Variants in MACROD2 observed in about 807,000 individuals in gnomAD.
MACROD2 encodes the protein mono-ADP ribosylhydrolase 2.
A neutral mutation model predicts 70.4 loss-of-function variants in MACROD2; 36 were observed. The observed-to-expected ratio is 0.51, with a 90% CI of 0.39 to 0.68. The LOEUF is 0.68. Among genes scored for constraint, MACROD2 ranks in the 30% least tolerant of loss-of-function variants. MACROD2 has a pLI of 0.00. For missense variants in MACROD2, 496 were observed against 538.4 expected, an observed-to-expected ratio of 0.92 and a Z score of 0.78; for synonymous variants, 172 against 178.8, an observed-to-expected ratio of 0.96 and a Z score of 0.30.
intron 10 of MACROD2, among the ~76,000 whole-genome samples, chr20:15,891,618 A>G (rs1408997940): frequency 6.6e-6 from 1 of 152,128 alleles, no homozygotes; most frequent in Non-Finnish European, 1.5e-5. Context: ...TTTAGAATGG[A>G]GCTGATAGGG....
chr20:15,563,134 G>A (rs577712738), intron 8 of MACROD2, among the ~76,000 whole-genome samples: 1 of 152,284 alleles, frequency 6.6e-6, no homozygotes, highest in South Asian at 2.1e-4. Flanking sequence ...CAGTGTTGAT[G>A]CCCTTAGGAA....
Position 16,035,136 on chromosome 20 carries a change from T to TA in MACROD2, c.1154-6065_1154-6064insA, listed in dbSNP as rs1186791062. On this transcript the variant is annotated intron_variant, in intron 15 of 17. Transcript: ENST00000684519. Reference sequence around the variant, plus strand: ...AAAATATAATATAAAATATTATATATTATATATTATATATAAAATATAATA... The same window carrying TA: ...AAAATATAATATAAAATATTATATATATATATATTATATATAAAATATAATA... Among the ~76,000 whole-genome samples, 82 of 77,054 alleles carry TA rather than the reference T, an allele frequency of 1.1e-3. 5 individuals are homozygous for TA. In the East Asian group the frequency reaches 0.017, roughly 16 times the overall value. 50.6% of individuals were successfully genotyped at this position (77,054 alleles called of 152,430 possible). A position where few individuals can be genotyped will look rare whatever the true frequency, so the allele number is the denominator to read the frequency against.
At chr20:14,271,743 T>C (rs1323708949) in intron 3 of MACROD2, among the ~76,000 whole-genome samples, 1 of 152,050 alleles carries the variant, frequency 6.6e-6, no homozygotes, top group East Asian at 1.9e-4. Context: ...TTAAAAACTT[T>C]GAAAAAAATT....
At position 14,446,356 on chromosome 20, in the gene MACROD2, C is replaced by A. The variant is rs138055134; in HGVS notation, c.272-47123C>A. 2.4e-4 allele frequency among the ~76,000 whole-genome samples: 36 copies of A among 152,192 alleles called. No homozygotes were observed. The East Asian group carries it at 5.6e-3, about 24-fold the overall frequency. ...GAAATTGAGGCATTAGTGTGTCTAA[C>A]GTCACTAACTTGTAAGAGTTGAAAC... On this transcript the variant is annotated intron_variant, in intron 3 of 17. Coordinates refer to ENST00000684519, the MANE Select transcript of MACROD2 (RefSeq NM_001351661.2).
chr20:15,985,644 A>C (rs1390180883), intron 13 of MACROD2: 10 of 152,496 alleles, frequency 6.6e-5, no homozygotes, highest in African/African-American at 2.4e-4. Context: ...TGCTCTTTGG[A>C]TCCTGTCACT....
Position 15,364,070 on chromosome 20 carries a change from A to G in MACROD2, c.541-67335A>G, listed in dbSNP as rs2078383970. Among the ~76,000 whole-genome samples the G allele has an allele frequency of 1.3e-5, 2 of 152,242 alleles. 1 individual carries two copies. Among genetic ancestry groups the G allele is most frequent in the South Asian group, 4.1e-4 (2 of 4,834 alleles). The stretch of plus-strand genomic sequence containing the variant: ...TAGATGTATTTGGATTTAAATTTCC[A>G]GATGTGAGCCTGACTTTATGTGAAT... On this transcript the variant is annotated intron_variant, in intron 6 of 17. Coordinates refer to ENST00000684519, the MANE Select transcript of MACROD2 (RefSeq NM_001351661.2).
chr20:14,309,774 A>G (rs756002584), intron 3 of MACROD2, among the ~76,000 whole-genome samples: 1 of 152,202 alleles, frequency 6.6e-6, no homozygotes, highest in Non-Finnish European at 1.5e-5. Context: ...AAAAATGGAC[A>G]GATACATAAC....
intron 8 of MACROD2, among the ~76,000 whole-genome samples, chr20:15,582,499 T>G (rs1353439040): frequency 6.6e-6 from 1 of 152,308 alleles, no homozygotes; most frequent in African/African-American, 2.4e-5. Context: ...AGTGCTTGTT[T>G]CTAAAAATGC....
intron 8 of MACROD2, among the ~76,000 whole-genome samples, chr20:15,586,017 C>T (rs188576683): frequency 4.6e-5 from 7 of 152,240 alleles, no homozygotes; most frequent in South Asian, 2.1e-4. Flanking sequence ...TTGTAACAGA[C>T]GAAAGCTCTT....
chr20:14,905,373 C>T (rs957307612), intron 5 of MACROD2: 1 of 152,072 alleles, frequency 6.6e-6, no homozygotes, highest in East Asian at 1.9e-4. Context: ...AAAGGGATTA[C>T]TATGAAGTCA....
chr20:15,994,442 A>G (rs1418370241), intron 15 of MACROD2, among the ~76,000 whole-genome samples: 4 of 152,240 alleles, frequency 2.6e-5, no homozygotes, highest in African/African-American at 9.6e-5. Context: ...GTTTTCATAT[A>G]TCACTCTTGA....
At chr20:14,940,130 T>C (rs996699578) in intron 5 of MACROD2, among the ~76,000 whole-genome samples, 2 of 106,598 alleles carry the variant, frequency 1.9e-5, no homozygotes, top group Non-Finnish European at 3.6e-5. Context: ...GGGCAACATA[T>C]GGAAACCCTC....
chr20:15,497,553 G>A (rs1036120059), intron 7 of MACROD2, among the ~76,000 whole-genome samples: 2 of 152,094 alleles, frequency 1.3e-5, no homozygotes, highest in Non-Finnish European at 2.9e-5. Context: ...GCCCTTCAAA[G>A]TGCTGGAGTT....
chr20:14,448,391 G>A (rs553753906), intron 3 of MACROD2, among the ~76,000 whole-genome samples: 1 of 151,942 alleles, frequency 6.6e-6, no homozygotes, highest in South Asian at 2.1e-4. Context: ...TTTTTAAACA[G>A]TGGGGCCAGG....
intron 5 of MACROD2, among the ~76,000 whole-genome samples, chr20:15,080,506 C>T (rs1209073417): frequency 3.3e-5 from 5 of 152,128 alleles, no homozygotes. Context: ...CTTCCTCCTA[C>T]TCTCTTTTTC....
chr20:15,812,792 G>A (rs1198555897), intron 8 of MACROD2, among the ~76,000 whole-genome samples: 4 of 152,132 alleles, frequency 2.6e-5, no homozygotes, highest in South Asian at 4.1e-4. Flanking sequence ...AACGTTAGAA[G>A]GACAAATGGT....
At chr20:14,746,721 C>T (rs965322752) in intron 5 of MACROD2, among the ~76,000 whole-genome samples, 3 of 152,096 alleles carry the variant, frequency 2.0e-5, no homozygotes, top group Non-Finnish European at 4.4e-5. Flanking sequence ...ACCATTAACG[C>T]ATTAATGTGC....
rs200993503 is a variant in MACROD2, at chr20:15,499,764, C to T, written c.572-10C>T. The T allele has an allele frequency of 4.3e-6, 7 of 1,613,472 alleles. No individual in the cohort carries two copies. The highest frequency in any genetic ancestry group is 1.1e-5 in the South Asian group (1 of 91,032). On this transcript the variant is annotated splice_polypyrimidine_tract_variant and intron_variant, in intron 7 of 17. Transcript: ENST00000684519. The stretch of plus-strand genomic sequence containing the variant: ...CGTTGTTCATTTGTTTTTTCCTGCT[C>T]TTCATCTAGGCTTTCCCAACGAGCC...
intron 5 of MACROD2, among the ~76,000 whole-genome samples, chr20:14,953,719 A>G (rs1489798356): frequency 1.3e-5 from 2 of 152,230 alleles, no homozygotes; most frequent in African/African-American, 4.8e-5. Context: ...AGTCTTGAAC[A>G]TAAGGCATTC....
Sources: allele counts gnomAD v4.1 joint callset (sites outside exome capture counted in the v4.1 genomes callset), GRCh38; gene constraint gnomAD v4.1.1; transcripts MANE v1.5; gene names NCBI Gene and HGNC (gene_info 2026-07-23, HGNC 2026-07-21).